The following PHACTR1 variants were observed in gnomAD, a reference collection of about 807,000 sequenced individuals.
PHACTR1 encodes phosphatase and actin regulator 1.
A neutral mutation model predicts 69.2 loss-of-function variants in PHACTR1; 16 were observed. That is an observed-to-expected ratio of 0.23 (90% CI 0.16 to 0.35). The LOEUF is 0.35. PHACTR1 is among the 10% of genes least tolerant of loss of function. The pLI is 1.00. For synonymous variants in PHACTR1, 312 were observed against 284.5 expected, an observed-to-expected ratio of 1.10 and a Z score of -0.97; for missense variants, 510 against 734.7, an observed-to-expected ratio of 0.69 and a Z score of 3.54.
At chr6:12,761,983 C>T (rs1485900179) in intron 4 of PHACTR1, among the ~76,000 whole-genome samples, 1 of 152,210 alleles carries the variant, frequency 6.6e-6, no homozygotes, top group African/African-American at 2.4e-5. Flanking sequence ...CTTCCAGCAA[C>T]ATCCTTGCTC....
intron 4 of PHACTR1, among the ~76,000 whole-genome samples, chr6:12,841,223 A>G (rs1303639115): frequency 6.6e-6 from 1 of 152,210 alleles, no homozygotes; most frequent in Non-Finnish European, 1.5e-5. Flanking sequence ...CCAAGGTCAC[A>G]CATTTAATAA....
intron 5 of PHACTR1, among the ~76,000 whole-genome samples, chr6:13,058,379 C>T (rs2127745831): frequency 6.6e-6 from 1 of 152,140 alleles, no homozygotes; most frequent in East Asian, 1.9e-4. Flanking sequence ...TGTCAGAATT[C>T]CCTTTGTGCT....
At chr6:12,930,705 G>C (rs2127527575) in intron 4 of PHACTR1, among the ~76,000 whole-genome samples, 1 of 152,216 alleles carries the variant, frequency 6.6e-6, no homozygotes, top group South Asian at 2.1e-4. Context: ...AATCTAAAAG[G>C]GTGTATGAAT....
At chr6:13,116,402 T>C (rs535444252) in intron 5 of PHACTR1, among the ~76,000 whole-genome samples, 1 of 152,374 alleles carries the variant, frequency 6.6e-6, no homozygotes, top group South Asian at 2.1e-4. Context: ...TTCTTGAGTG[T>C]ACCTTATATT....
rs1466219724 is a variant in PHACTR1 at position 13,231,049 on chromosome 6, AAGG to A, written c.1391+858_1391+860del. ...AAAGAAAGAGAGAGAGAGAGAAAGG[AAGG>A]AAGGAAGGAAGGAAGGAAGGAAGGA... On this transcript the variant is annotated intron_variant, in intron 10 of 14. Transcript: ENST00000332995. 2.2e-3 allele frequency among the ~76,000 whole-genome samples: 3 copies of A among 1,342 alleles called. No individual in the cohort carries two copies. In the Admixed American group the frequency reaches 0.035, roughly 16 times the overall value. The allele number at this position is 1,342 out of a possible 152,430, so 0.9% of individuals were successfully genotyped here. A position where few individuals can be genotyped will look rare whatever the true frequency, so the allele number is the denominator to read the frequency against.
At chr6:12,802,330 T>A (rs1439171568) in intron 4 of PHACTR1, among the ~76,000 whole-genome samples, 1 of 151,820 alleles carries the variant, frequency 6.6e-6, no homozygotes, top group African/African-American at 2.4e-5. Context: ...CAATTTACTA[T>A]AACGTAAAAG....
At chr6:12,845,425 A>ACCCC (rs1332657788) in intron 4 of PHACTR1, among the ~76,000 whole-genome samples, 6 of 14,836 alleles carry the variant, frequency 4.0e-4, no homozygotes, top group Non-Finnish European at 3.6e-4. Context: ...TGTGAACACC[A>ACCCC]CCCACCCCCC....
At chr6:13,123,181 G>T (rs1299546345) in intron 5 of PHACTR1, among the ~76,000 whole-genome samples, 1 of 152,224 alleles carries the variant, frequency 6.6e-6, no homozygotes, top group Non-Finnish European at 1.5e-5. Flanking sequence ...AGCTCAGCCT[G>T]TATCCAGCTC....
chr6:13,141,937 A>G (rs1464513302), intron 5 of PHACTR1, among the ~76,000 whole-genome samples: 1 of 152,020 alleles, frequency 6.6e-6, no homozygotes, highest in Non-Finnish European at 1.5e-5. Context: ...CACTATTTTT[A>G]TCATTAAGTG....
chr6:12,877,429 G>A (rs530578517), intron 4 of PHACTR1, among the ~76,000 whole-genome samples: 1 of 152,114 alleles, frequency 6.6e-6, no homozygotes, highest in Non-Finnish European at 1.5e-5. Flanking sequence ...AGAAAATACT[G>A]TTAAACACTA....
At chr6:12,969,457 C>T (rs1485892857) in intron 4 of PHACTR1, among the ~76,000 whole-genome samples, 1 of 152,086 alleles carries the variant, frequency 6.6e-6, no homozygotes, top group African/African-American at 2.4e-5. Context: ...GAGGGTATTC[C>T]TAGGCCTGAT....
chr6:12,994,594 T>C (rs889604008), intron 4 of PHACTR1, among the ~76,000 whole-genome samples: 2 of 152,122 alleles, frequency 1.3e-5, no homozygotes, highest in Non-Finnish European at 1.5e-5. Flanking sequence ...AATTGAAATA[T>C]GTAAAATTTG....
At chr6:12,862,381 G>A (rs1429911519) in intron 4 of PHACTR1, among the ~76,000 whole-genome samples, 1 of 152,120 alleles carries the variant, frequency 6.6e-6, no homozygotes, top group Non-Finnish European at 1.5e-5. Flanking sequence ...AATGCCCCTG[G>A]AGTCACAGTC....
At chr6:13,031,032 A>T (rs1302491611) in intron 4 of PHACTR1, among the ~76,000 whole-genome samples, 1 of 152,222 alleles carries the variant, frequency 6.6e-6, no homozygotes, top group African/African-American at 2.4e-5. Context: ...AATCAAAAAT[A>T]TTCCCAGATA....
intron 4 of PHACTR1, among the ~76,000 whole-genome samples, chr6:13,041,782 C>T (rs1430672872): frequency 6.6e-6 from 1 of 152,124 alleles, no homozygotes; most frequent in African/African-American, 2.4e-5. Context: ...GCCTGCACTG[C>T]CTGGTCTTGA....
At chr6:12,996,076 C>G (rs558695412) in intron 4 of PHACTR1, among the ~76,000 whole-genome samples, 1 of 152,072 alleles carries the variant, frequency 6.6e-6, no homozygotes, top group Admixed American at 6.5e-5. Flanking sequence ...GCAAATAGTA[C>G]TTTGAGGGAA....
At chr6:13,162,092 TTTGTTG>T (rs72034845) in intron 6 of PHACTR1, among the ~76,000 whole-genome samples, 1,856 of 151,106 alleles carry the variant, frequency 0.012, 40 homozygotes, top group East Asian at 0.11. Context: ...CCTCCCTTGT[TTTGTTG>T]TTGTTGTTGT....
chr6:12,898,310 C>T (rs1195829990), intron 4 of PHACTR1, among the ~76,000 whole-genome samples: 1 of 152,068 alleles, frequency 6.6e-6, no homozygotes, highest in African/African-American at 2.4e-5. Flanking sequence ...CTCCAAATAC[C>T]GACGGGAGCT....
At chr6:12,933,977 T>A in intron 4 of PHACTR1, 3 of 1,544,272 alleles carry the variant, frequency 1.9e-6, no homozygotes, top group Non-Finnish European at 2.6e-6. Flanking sequence ...TGTAACAAAG[T>A]ACCACAAACT....
Sources: gnomAD v4.1 joint callset for allele counts (sites outside exome capture counted in the v4.1 genomes callset) on GRCh38, gnomAD v4.1.1 for gene constraint, MANE v1.5 for transcripts, NCBI Gene and HGNC (gene_info 2026-07-23, HGNC 2026-07-21) for gene names.